The following ROR1 variants were observed in gnomAD, a reference collection of about 807,000 sequenced individuals.
ROR1 encodes ROR family WNT receptor 1, also known as inactive tyrosine-protein kinase transmembrane receptor ROR1.
In ROR1, 19 loss-of-function variants were observed where a neutral mutation model predicts 78.8. The ratio of observed to expected loss-of-function variants is 0.24; its 90% confidence interval spans 0.17 to 0.35. The LOEUF is 0.35. Among genes scored for constraint, ROR1 ranks in the 10% least tolerant of loss-of-function variants. The pLI, the probability that ROR1 is intolerant of heterozygous loss-of-function variation, is 1.00. For synonymous variants in ROR1, 386 were observed against 433.6 expected, an observed-to-expected ratio of 0.89 and a Z score of 1.36; for missense variants, 917 against 1,177.8, an observed-to-expected ratio of 0.78 and a Z score of 3.24.
intron 4 of ROR1, among the ~76,000 whole-genome samples, chr1:64,134,546 A>G (rs137964035): frequency 1.3e-3 from 201 of 152,258 alleles, no homozygotes; most frequent in African/African-American, 4.7e-3. Flanking sequence ...CACCTAACAC[A>G]GTACCCAGCC....
intron 1 of ROR1, among the ~76,000 whole-genome samples, chr1:63,782,430 C>CA (rs1644657025): frequency 6.6e-6 from 1 of 151,954 alleles, no homozygotes; most frequent in Non-Finnish European, 1.5e-5. Context: ...GAAAGTGTCA[C>CA]AACGTGGAAA....
At chr1:64,148,361 CT>C (rs1649533958) in intron 7 of ROR1, among the ~76,000 whole-genome samples, 1 of 152,132 alleles carries the variant, frequency 6.6e-6, no homozygotes, top group Non-Finnish European at 1.5e-5. Context: ...ACAGATAAAA[CT>C]TGAGAATAAC....
chr1:64,179,027 A>C lies in ROR1; in HGVS notation c.*172A>C. On this transcript the variant is annotated 3_prime_UTR_variant, in exon 9 of 9. Coordinates refer to ENST00000371079, the MANE Select transcript of ROR1 (RefSeq NM_005012.4). The stretch of plus-strand genomic sequence containing the variant: ...AAGCAGGACAGACACTCGGCCAGAA[A>C]AAAAAAAAAAAAAAAAAAACAAGCA... 18 of 340,266 alleles carry C rather than the reference A, an allele frequency of 5.3e-5. No individual in the cohort carries two copies. The highest frequency in any genetic ancestry group is 1.6e-4 in the East Asian group (3 of 18,338). 21.1% of individuals were successfully genotyped at this position (340,266 alleles called of 1,614,324 possible).
chr1:63,787,917 C>T (rs1644701957), intron 1 of ROR1, among the ~76,000 whole-genome samples: 2 of 152,202 alleles, frequency 1.3e-5, no homozygotes, highest in Non-Finnish European at 2.9e-5. Context: ...ATAGTCTTTC[C>T]TTGGGATTTA....
intron 1 of ROR1, among the ~76,000 whole-genome samples, chr1:63,985,872 G>A (rs2100514534): frequency 6.6e-6 from 1 of 152,086 alleles, no homozygotes; most frequent in South Asian, 2.1e-4. Context: ...TCTAAAATCT[G>A]AAAAAATCCA....
intron 1 of ROR1, chr1:63,789,126 TG>T (rs1272531182): frequency 1.6e-6 from 1 of 610,748 alleles, no homozygotes. Flanking sequence ...GCATCGAGCC[TG>T]GGAATGGACA....
intron 1 of ROR1, among the ~76,000 whole-genome samples, chr1:63,787,679 A>T (rs970566515): frequency 2.7e-4 from 41 of 152,132 alleles, no homozygotes; most frequent in African/African-American, 8.0e-4. Flanking sequence ...GGCACCTGCC[A>T]CCATGCTTGC....
intron 4 of ROR1, among the ~76,000 whole-genome samples, chr1:64,087,729 C>T: frequency 6.6e-6 from 1 of 152,124 alleles, no homozygotes; most frequent in East Asian, 1.9e-4. Context: ...TGCAGCATGA[C>T]AAGAGTTTTT....
chr1:64,027,020 T>C (rs1205070417), intron 2 of ROR1, among the ~76,000 whole-genome samples: 1 of 152,244 alleles, frequency 6.6e-6, no homozygotes, highest in Non-Finnish European at 1.5e-5. Context: ...TATTGTTACA[T>C]AGATGTGTCC....
intron 4 of ROR1, among the ~76,000 whole-genome samples, chr1:64,118,249 T>C: frequency 6.6e-6 from 1 of 152,138 alleles, no homozygotes; most frequent in East Asian, 1.9e-4. Flanking sequence ...CCCATTCAGT[T>C]TATAAGTCAT....
At chr1:64,017,298 C>T (rs1031110571) in intron 2 of ROR1, among the ~76,000 whole-genome samples, 1 of 152,098 alleles carries the variant, frequency 6.6e-6, no homozygotes. Flanking sequence ...TGCTGGCAAC[C>T]AGCTCTTATT....
chr1:64,065,795 C>T (rs961345226), intron 4 of ROR1, among the ~76,000 whole-genome samples: 1 of 152,198 alleles, frequency 6.6e-6, no homozygotes, highest in Non-Finnish European at 1.5e-5. Context: ...CTACCCCAAA[C>T]AACTTGAAGA....
rs199711517 is a variant in ROR1, at chr1:64,178,439, G to A, written c.2398G>A (p.Gly800Ser). 5.6e-6 allele frequency: 9 copies of A among 1,614,148 alleles called. No individual in the cohort carries two copies. In the South Asian group the frequency reaches 8.8e-5, roughly 16 times the overall value. ...MFPSQGITPQ[G>S]QIAGFIGPPI... ...CCCGAGCCAGGGTATTACACCACAG[G>A]GCCAGATTGCTGGTTTCATTGGCCC... The change falls in exon 9 of 9, where the codon GGC (glycine) becomes AGC (serine). Residue 800 changes from glycine (G) to serine (S), a missense_variant. Gly to Ser is a moderately conservative substitution (Grantham distance 56). Around this residue, in one of 3 missense-constraint regions of ROR1, gnomAD observed 835 missense variants for 1,069.8 expected, o/e 0.78. Coordinates refer to ENST00000371079, the MANE Select transcript of ROR1 (RefSeq NM_005012.4). The surrounding 1 kb of genome is among the most constrained non-coding windows in gnomAD (Gnocchi z 4.3).
chr1:64,026,927 A>G (rs1034026579), intron 2 of ROR1, among the ~76,000 whole-genome samples: 1 of 152,224 alleles, frequency 6.6e-6, no homozygotes, highest in African/African-American at 2.4e-5. Flanking sequence ...TCTCTAGATA[A>G]AATTGTAAAT....
intron 1 of ROR1, among the ~76,000 whole-genome samples, chr1:63,804,616 T>C (rs1392841442): frequency 6.6e-6 from 1 of 152,218 alleles, no homozygotes; most frequent in Non-Finnish European, 1.5e-5. Flanking sequence ...ATTTTATTTT[T>C]ACCGTTCTTT....
At chr1:63,888,081 G>T (rs1399324229) in intron 1 of ROR1, among the ~76,000 whole-genome samples, 3 of 152,158 alleles carry the variant, frequency 2.0e-5, no homozygotes, top group Non-Finnish European at 4.4e-5. Context: ...ATGAGAGACG[G>T]ACTCTTGTGA....
rs144760483 is a variant in ROR1 at position 64,007,539 on chromosome 1, C to T, written c.92-1766C>T. On this transcript the variant is annotated intron_variant, in intron 1 of 8. Coordinates refer to ENST00000371079, the MANE Select transcript of ROR1 (RefSeq NM_005012.4). Reference sequence around the variant, plus strand: ...ACAGTCTATTATTAAAGAGTTTTAACAGCCCGTAAGTACTTCTAACAGTCC... The same window carrying T: ...ACAGTCTATTATTAAAGAGTTTTAATAGCCCGTAAGTACTTCTAACAGTCC... Among the ~76,000 whole-genome samples, 49 of 152,278 alleles carry T rather than the reference C, an allele frequency of 3.2e-4. No individual in the cohort carries two copies. In the East Asian group the frequency reaches 8.5e-3, roughly 26 times the overall value.
chr1:64,020,968 G>A (rs1646560026), intron 2 of ROR1, among the ~76,000 whole-genome samples: 1 of 151,946 alleles, frequency 6.6e-6, no homozygotes, highest in African/African-American at 2.4e-5. Context: ...GGAAGTTTCT[G>A]TCAAGGCTTC....
At chr1:63,857,502 G>C (rs1645156310) in intron 1 of ROR1, among the ~76,000 whole-genome samples, 1 of 152,160 alleles carries the variant, frequency 6.6e-6, no homozygotes, top group Non-Finnish European at 1.5e-5. Flanking sequence ...TTCCATGTTG[G>C]ATGTACTTAG....
Sources: gnomAD v4.1 joint callset for allele counts (sites outside exome capture counted in the v4.1 genomes callset) on GRCh38, gnomAD v4.1.1 for gene constraint, gnomAD v4.1.1 regional missense constraint, Gnocchi (gnomAD v3.1) non-coding constraint, MANE v1.5 for transcripts, NCBI Gene and HGNC (gene_info 2026-07-23, HGNC 2026-07-21) for gene names.